The following KIAA1217 variants were observed in gnomAD, a reference collection of about 807,000 sequenced individuals.
KIAA1217 encodes the protein KIAA1217.
A neutral mutation model predicts 163.9 loss-of-function variants in KIAA1217; 88 were observed. The observed-to-expected ratio is 0.54, with a 90% CI of 0.45 to 0.64. The LOEUF is 0.64. KIAA1217 is among the 30% of genes least tolerant of loss of function. The pLI, the probability that KIAA1217 is intolerant of heterozygous loss-of-function variation, is 0.00. For synonymous variants in KIAA1217, 903 were observed against 923.1 expected, an observed-to-expected ratio of 0.98 and a Z score of 0.39; for missense variants, 2,372 against 2,475.0, an observed-to-expected ratio of 0.96 and a Z score of 0.88.
chr10:24,454,747 A>T (rs2061638996), intron 5 of KIAA1217, among the ~76,000 whole-genome samples: 1 of 152,130 alleles, frequency 6.6e-6, no homozygotes, highest in African/African-American at 2.4e-5. Flanking sequence ...TGCAGTAGGG[A>T]CTGAGGGATC....
intron 2 of KIAA1217, among the ~76,000 whole-genome samples, chr10:24,181,976 T>A (rs2066191857): frequency 6.6e-6 from 1 of 151,870 alleles, no homozygotes; most frequent in African/African-American, 2.4e-5. Context: ...GAATTTTAAG[T>A]GGGGCTTTGA....
At chr10:24,040,470 A>T (rs750092653) in intron 2 of KIAA1217, among the ~76,000 whole-genome samples, 1 of 152,244 alleles carries the variant, frequency 6.6e-6, no homozygotes, top group Non-Finnish European at 1.5e-5. Flanking sequence ...TCTTGGGCAG[A>T]CATAAAAGAT....
At chr10:24,431,233 T>C (rs1938742144) in intron 3 of KIAA1217, among the ~76,000 whole-genome samples, 1 of 152,208 alleles carries the variant, frequency 6.6e-6, no homozygotes, top group African/African-American at 2.4e-5. Context: ...TTCATTCTTT[T>C]CTCTTTTGAG....
intron 1 of KIAA1217, among the ~76,000 whole-genome samples, chr10:23,731,604 G>A (rs1031629415): frequency 6.6e-6 from 1 of 152,074 alleles, no homozygotes; most frequent in Non-Finnish European, 1.5e-5. Context: ...AGGGAGGGAG[G>A]GGGTACAACC....
intron 2 of KIAA1217, among the ~76,000 whole-genome samples, chr10:24,343,260 T>C (rs1254291290): frequency 6.6e-6 from 1 of 152,206 alleles, no homozygotes; most frequent in Non-Finnish European, 1.5e-5. Context: ...CTGCAACATA[T>C]AAGAATGCTA....
At chr10:24,241,237 G>A (rs2073056216) in intron 2 of KIAA1217, among the ~76,000 whole-genome samples, 1 of 151,958 alleles carries the variant, frequency 6.6e-6, no homozygotes, top group Admixed American at 6.6e-5. Context: ...ATCCTATACT[G>A]CCTGCACTTT....
chr10:23,751,455 A>G (rs1318376257), intron 1 of KIAA1217, among the ~76,000 whole-genome samples: 3 of 152,150 alleles, frequency 2.0e-5, no homozygotes, highest in Non-Finnish European at 2.9e-5. Context: ...AGCATTTTTG[A>G]AAGTATGCAG....
chr10:24,499,575 A>G lies in KIAA1217; in HGVS notation c.1835-1804A>G, dbSNP rs535356794. On this transcript the variant is annotated intron_variant, in intron 8 of 20. Transcript: ENST00000376454. ...TGGTGAAACCTCGTCTCTACTAAAAATACAAAATTAACTGGGTGTTGTGGT... is the reference window on the plus strand; with the variant it reads ...TGGTGAAACCTCGTCTCTACTAAAAGTACAAAATTAACTGGGTGTTGTGGT... Among the ~76,000 whole-genome samples the G allele has an allele frequency of 1.9e-4, 29 of 152,276 alleles. 1 individual carries two copies. In the South Asian group the frequency reaches 5.8e-3, roughly 30 times the overall value.
intron 1 of KIAA1217, among the ~76,000 whole-genome samples, chr10:23,955,977 G>C (rs973390590): frequency 3.3e-5 from 5 of 152,178 alleles, no homozygotes; most frequent in African/African-American, 9.7e-5. Context: ...CTGTGAAAGA[G>C]AGTACCCTTT....
chr10:23,963,169 G>A (rs1844891697), intron 1 of KIAA1217, among the ~76,000 whole-genome samples: 1 of 152,094 alleles, frequency 6.6e-6, no homozygotes, highest in Non-Finnish European at 1.5e-5. Flanking sequence ...AGAACGTGCA[G>A]GTTTGTTATA....
chr10:24,434,020 TCTCTC>T (rs1315263813), intron 4 of KIAA1217, among the ~76,000 whole-genome samples: 2 of 117,182 alleles, frequency 1.7e-5, no homozygotes, highest in Non-Finnish European at 1.7e-5. Flanking sequence ...TCTCTCTCTC[TCTCTC>T]TTTTTTTTTT....
intron 5 of KIAA1217, among the ~76,000 whole-genome samples, chr10:24,442,366 T>A (rs572565479): frequency 9.8e-5 from 15 of 152,348 alleles, no homozygotes; most frequent in Admixed American, 4.6e-4. Context: ...TTTGTTTTTT[T>A]AAATTTACTC....
chr10:24,533,171 C>G lies in KIAA1217; in HGVS notation c.3348C>G (p.Thr1116=), dbSNP rs1308631934. Residue 1116 remains threonine, a synonymous_variant, in exon 16 of 21, where the codon ACC becomes ACG. Transcript: ENST00000376454. ...SAWTPSPPPV[T]TSSSKDEEEE... is the part of the protein sequence containing the mutation. ...GGACCCCATCCCCACCGCCTGTCAC[C>G]ACCTCCTCCTCAAAGGATGAGGAGG... The G allele has an allele frequency of 6.2e-7, 1 of 1,613,840 alleles. No homozygotes were observed. The highest frequency in any genetic ancestry group is 1.7e-5 in the Admixed American group (1 of 60,016).
chr10:23,853,054 A>C (rs1457889987), intron 1 of KIAA1217, among the ~76,000 whole-genome samples: 1 of 152,180 alleles, frequency 6.6e-6, no homozygotes, highest in Non-Finnish European at 1.5e-5. Context: ...CACTATGTTG[A>C]CTAGGAGTGG....
intron 2 of KIAA1217, among the ~76,000 whole-genome samples, chr10:24,328,380 A>T (rs2133467488): frequency 6.6e-6 from 1 of 152,236 alleles, no homozygotes. Flanking sequence ...AGATGCAGTG[A>T]TCTGGTGAGT....
chr10:24,132,098 C>T (rs1242785378), intron 2 of KIAA1217, among the ~76,000 whole-genome samples: 1 of 152,144 alleles, frequency 6.6e-6, no homozygotes, highest in East Asian at 1.9e-4. Context: ...ACCTTCTCTG[C>T]CTGCAGTCCA....
intron 2 of KIAA1217, among the ~76,000 whole-genome samples, chr10:24,313,843 GTTTTTTTTTTTT>G (rs35876174): frequency 8.8e-6 from 1 of 113,430 alleles, no homozygotes; most frequent in South Asian, 3.5e-4. Flanking sequence ...CCATCTGGTT[GTTTTTTTTTTTT>G]TTTTTTTTGA....
intron 6 of KIAA1217, among the ~76,000 whole-genome samples, chr10:24,488,343 G>A (rs903142760): frequency 1.3e-5 from 2 of 152,152 alleles, no homozygotes; most frequent in African/African-American, 4.8e-5. Flanking sequence ...GGAACTTAGG[G>A]ATGAGATAGT....
chr10:23,859,526 T>A (rs1489520336), intron 1 of KIAA1217, among the ~76,000 whole-genome samples: 1 of 152,222 alleles, frequency 6.6e-6, no homozygotes, highest in African/African-American at 2.4e-5. Context: ...GAAGCATTCC[T>A]TGCTCTAGGG....
Sources: gnomAD v4.1 joint callset for allele counts (sites outside exome capture counted in the v4.1 genomes callset) on GRCh38, gnomAD v4.1.1 for gene constraint, MANE v1.5 for transcripts, NCBI Gene and HGNC (gene_info 2026-07-23, HGNC 2026-07-21) for gene names.